The following WDR70 variants were observed in gnomAD, a reference collection of about 807,000 sequenced individuals.
The protein encoded by WDR70 is WD repeat-containing protein 70.
Under a neutral mutation model 88.6 loss-of-function variants are expected in WDR70, and 53 were observed. That is an observed-to-expected ratio of 0.60 (90% CI 0.48 to 0.75). The LOEUF (loss-of-function observed/expected upper bound fraction) is 0.75. Ranked by LOEUF, WDR70 falls within the 30% of genes least tolerant of loss-of-function variation. The pLI is 0.00. For synonymous variants in WDR70, 280 were observed against 270.0 expected (o/e 1.04, Z -0.36); for missense variants, 610 against 823.2 (o/e 0.74, Z 3.17).
chr5:37,443,246 CT>C lies in WDR70; in HGVS notation c.563del (p.Leu188TrpfsTer11). On this transcript the variant is annotated frameshift_variant, in exon 7 of 18. Coordinates refer to ENST00000265107, the MANE Select transcript of WDR70 (RefSeq NM_018034.4). LOFTEE classifies it high-confidence loss of function. ...TTATTTTTTTAAAACCAGGTGTCTG[CT>C]TTGGGTCTGGATCCCTCAGGTGCCC... ...TLKHGTKTVS[A>X]LGLDPSGARL... is the part of the protein sequence containing the mutation. The C allele has an allele frequency of 6.2e-7, 1 of 1,611,158 alleles. No individual in the cohort carries two copies. The highest frequency in any genetic ancestry group is 8.5e-7 in the Non-Finnish European group (1 of 1,178,858).
intron 8 of WDR70, among the ~76,000 whole-genome samples, chr5:37,498,313 G>T (rs2102828): frequency 0.6 from 90,754 of 151,870 alleles, 28,446 homozygotes; most frequent in Non-Finnish European, 0.69. Flanking sequence ...TTGAATTTAC[G>T]GTGCTCTCTT....
chr5:37,439,625 CT>C (rs34032020), intron 6 of WDR70, among the ~76,000 whole-genome samples: 47,705 of 128,732 alleles, frequency 0.37, 7,944 homozygotes, highest in Non-Finnish European at 0.47. Flanking sequence ...TGGCTTAACT[CT>C]TTTTTTTTTT....
intron 10 of WDR70, among the ~76,000 whole-genome samples, chr5:37,608,946 A>G (rs190023237): frequency 7.7e-4 from 118 of 152,296 alleles, no homozygotes; most frequent in Middle Eastern, 3.4e-3. Context: ...GTATTCCCAG[A>G]GCAAAGACAG....
At chr5:37,415,970 G>A (rs1027500257) in intron 5 of WDR70, among the ~76,000 whole-genome samples, 1 of 151,106 alleles carries the variant, frequency 6.6e-6, no homozygotes, top group African/African-American at 2.4e-5. Context: ...GGGAAGAGGC[G>A]CTTCTCACTT....
chr5:37,466,573 G>C (rs1739155885), intron 7 of WDR70, among the ~76,000 whole-genome samples: 1 of 151,906 alleles, frequency 6.6e-6, no homozygotes, highest in Non-Finnish European at 1.5e-5. Context: ...GGGCATGGTG[G>C]CGGGCGCCTG....
intron 7 of WDR70, among the ~76,000 whole-genome samples, chr5:37,476,678 G>A (rs1244179041): frequency 6.6e-6 from 1 of 151,864 alleles, no homozygotes; most frequent in Non-Finnish European, 1.5e-5. Context: ...AGCCTCCCAA[G>A]TAGCTGGGAC....
intron 10 of WDR70, among the ~76,000 whole-genome samples, chr5:37,689,884 T>C (rs970032130): frequency 6.6e-6 from 1 of 152,202 alleles, no homozygotes; most frequent in South Asian, 2.1e-4. Context: ...AGAAGTAGGC[T>C]TCAGAAGGTC....
At chr5:37,406,844 G>GT (rs1749368950) in intron 5 of WDR70, among the ~76,000 whole-genome samples, 1 of 152,142 alleles carries the variant, frequency 6.6e-6, no homozygotes, top group South Asian at 2.1e-4. Context: ...AGCAACAGAG[G>GT]TAACAATCAT....
At chr5:37,404,571 T>C (rs1171981204) in intron 5 of WDR70, among the ~76,000 whole-genome samples, 1 of 152,234 alleles carries the variant, frequency 6.6e-6, no homozygotes, top group Non-Finnish European at 1.5e-5. Flanking sequence ...TCCTGGTTTT[T>C]TGAATCTTGT....
intron 8 of WDR70, among the ~76,000 whole-genome samples, chr5:37,505,124 C>G (rs921857788): frequency 2.6e-5 from 4 of 152,082 alleles, no homozygotes; most frequent in African/African-American, 9.7e-5. Flanking sequence ...TCCTCATTAC[C>G]CACTGTAGGG....
At chr5:37,494,812 T>C (rs1740167724) in intron 8 of WDR70, among the ~76,000 whole-genome samples, 1 of 152,234 alleles carries the variant, frequency 6.6e-6, no homozygotes, top group African/African-American at 2.4e-5. Flanking sequence ...GTTTTTGAGG[T>C]ATTCAAATGG....
intron 9 of WDR70, among the ~76,000 whole-genome samples, chr5:37,543,365 T>C (rs1480351312): frequency 6.6e-6 from 1 of 152,198 alleles, no homozygotes; most frequent in Non-Finnish European, 1.5e-5. Flanking sequence ...GAAACCTGTT[T>C]ATGAAGAAAA....
At chr5:37,579,374 A>G (rs1264000573) in intron 9 of WDR70, among the ~76,000 whole-genome samples, 1 of 152,018 alleles carries the variant, frequency 6.6e-6, no homozygotes, top group Admixed American at 6.6e-5. Flanking sequence ...TCATGAGGTC[A>G]AGAGATTGAG....
intron 5 of WDR70, among the ~76,000 whole-genome samples, chr5:37,413,434 G>A (rs1749587753): frequency 6.6e-6 from 1 of 152,062 alleles, no homozygotes; most frequent in South Asian, 2.1e-4. Flanking sequence ...AAGTAACAGA[G>A]ATTCCTGACT....
chr5:37,578,795 A>G (rs2112420851), intron 9 of WDR70, among the ~76,000 whole-genome samples: 1 of 152,318 alleles, frequency 6.6e-6, no homozygotes, highest in East Asian at 1.9e-4. Flanking sequence ...ATAGAAAGGG[A>G]GTGTAATACA....
intron 7 of WDR70, among the ~76,000 whole-genome samples, chr5:37,451,801 C>T (rs983583627): frequency 6.6e-6 from 1 of 152,178 alleles, no homozygotes; most frequent in African/African-American, 2.4e-5. Flanking sequence ...TAAGACCATT[C>T]TGGCCAACAT....
At chr5:37,652,866 T>C (rs1281109399) in intron 10 of WDR70, among the ~76,000 whole-genome samples, 1 of 152,228 alleles carries the variant, frequency 6.6e-6, no homozygotes, top group Non-Finnish European at 1.5e-5. Context: ...TTTTTAAATA[T>C]ACAATCTGTC....
At chr5:37,448,317 C>A (rs1738564315) in intron 7 of WDR70, among the ~76,000 whole-genome samples, 1 of 152,078 alleles carries the variant, frequency 6.6e-6, no homozygotes. Context: ...CTGTTACATT[C>A]CTTTCCAAGT....
intron 8 of WDR70, among the ~76,000 whole-genome samples, chr5:37,493,036 A>G (rs1173863851): frequency 6.6e-6 from 1 of 152,258 alleles, no homozygotes; most frequent in East Asian, 1.9e-4. Flanking sequence ...TTGCTCCTTA[A>G]CAAGTTAAAC....
Sources: allele counts gnomAD v4.1 joint callset (sites outside exome capture counted in the v4.1 genomes callset), GRCh38; gene constraint gnomAD v4.1.1; transcripts MANE v1.5; gene names NCBI Gene and HGNC (gene_info 2026-07-23, HGNC 2026-07-21).